The following TDRD9 variants were observed in gnomAD, a reference collection of about 807,000 sequenced individuals.
TDRD9 encodes the protein ATP-dependent RNA helicase TDRD9.
A neutral mutation model predicts 172.6 loss-of-function variants in TDRD9; 124 were observed. The observed-to-expected ratio is 0.72, with a 90% CI of 0.62 to 0.83. TDRD9 has a LOEUF of 0.83. Ranked by LOEUF, TDRD9 falls within the 40% of genes least tolerant of loss-of-function variation. The probability of loss-of-function intolerance (pLI) is 0.00; values close to 1 mark genes in which losing one functional copy is unlikely to be tolerated. For missense variants in TDRD9, 1,479 were observed against 1,714.1 expected (o/e 0.86, Z 2.42); for synonymous variants, 619 against 617.1 (o/e 1.00, Z -0.05).
chr14:103,939,743 G>GTTTTTTTTTTTTGT (rs2031080786), intron 1 of TDRD9: 1 of 17,448 alleles, frequency 5.7e-5, no homozygotes, highest in Non-Finnish European at 1.2e-4. Context: ...GAAAAAAAGT[G>GTTTTTTTTTTTTGT]TTTTTTTTTT....
intron 8 of TDRD9, among the ~76,000 whole-genome samples, chr14:103,990,111 C>G (rs1308223081): frequency 6.6e-6 from 1 of 152,238 alleles, no homozygotes; most frequent in Non-Finnish European, 1.5e-5. Context: ...GAAGAGCTCC[C>G]TTCCCCACTC....
chr14:104,028,799 T>C (rs962618301), intron 28 of TDRD9, among the ~76,000 whole-genome samples: 9 of 152,208 alleles, frequency 5.9e-5, no homozygotes, highest in Non-Finnish European at 1.5e-5. Flanking sequence ...TCTAGTAGTT[T>C]TTTATAGTTT....
intron 28 of TDRD9, 71 bp downstream of exon 28, chr14:104,027,010 T>A: frequency 6.5e-7 from 1 of 1,527,864 alleles, no homozygotes; most frequent in Non-Finnish European, 8.9e-7. Context: ...CCTTCCTCTG[T>A]GGACCCTGAG....
chr14:104,018,007 G>A, intron 22 of TDRD9, 85 bp from the exon 23 acceptor site: 1 of 763,986 alleles, frequency 1.3e-6, no homozygotes. Flanking sequence ...AACTAAAACA[G>A]TGTGCAGCAG....
chr14:104,012,534 A>G (rs549141770), intron 20 of TDRD9, among the ~76,000 whole-genome samples: 39 of 150,108 alleles, frequency 2.6e-4, no homozygotes, highest in African/African-American at 9.5e-4. Context: ...TTTTCCATTA[A>G]TTTAGTTCTC....
At chr14:103,933,252 T>C (rs1455308482) in intron 1 of TDRD9, among the ~76,000 whole-genome samples, 1 of 152,238 alleles carries the variant, frequency 6.6e-6, no homozygotes, top group Non-Finnish European at 1.5e-5. Context: ...CATTCTCCAG[T>C]GTGTAGCACC....
chr14:104,020,532 A>G (rs972903126), intron 23 of TDRD9, among the ~76,000 whole-genome samples: 3 of 152,140 alleles, frequency 2.0e-5, no homozygotes, highest in African/African-American at 7.2e-5. Context: ...AGAGACTCTA[A>G]AGAAGGGAGA....
chr14:103,983,935 G>A (rs1287174542), intron 7 of TDRD9, among the ~76,000 whole-genome samples: 2 of 152,310 alleles, frequency 1.3e-5, no homozygotes, highest in South Asian at 2.1e-4. Flanking sequence ...ATGGAGATGA[G>A]GAACTTGTTG....
chr14:104,043,225 T>C (rs140720756), intron 34 of TDRD9, among the ~76,000 whole-genome samples: 110 of 151,720 alleles, frequency 7.3e-4, no homozygotes, highest in African/African-American at 2.6e-3. Context: ...GGTCTTGCTA[T>C]GTTGCCCAAG....
chr14:104,033,961 T>C lies in TDRD9; in HGVS notation c.3511T>C (p.Cys1171Arg), dbSNP rs569737720. The C allele has an allele frequency of 1.3e-6, 2 of 1,544,712 alleles. No individual in the cohort carries two copies. Among genetic ancestry groups the C allele is most frequent in the African/African-American group, 2.7e-5 (2 of 73,020 alleles). The change falls in exon 31 of 36, where the codon TGT becomes CGT. Residue 1171 changes from cysteine to arginine, a missense_variant and splice_region_variant. This residue lies in a region of TDRD9 where 1,413 missense variants were observed against 1,649.1 expected (regional missense o/e 0.86). Transcript: ENST00000409874. ...TCTCCTGGTGCTCCTGCCTTTTAGGTGTGTTTGGATTGAGAAGGAGAGCAT... is the reference window on the plus strand; with the variant it reads ...TCTCCTGGTGCTCCTGCCTTTTAGGCGTGTTTGGATTGAGAAGGAGAGCAT... ...HSLTRISKFR[C>R]VWIEKESINS...
intron 6 of TDRD9, among the ~76,000 whole-genome samples, chr14:103,973,474 T>G (rs1191982156): frequency 1.3e-5 from 2 of 152,232 alleles, no homozygotes; most frequent in African/African-American, 4.8e-5. Flanking sequence ...CACCTCTTGC[T>G]GACTGGACTC....
chr14:104,023,127 A>G (rs2035013308), intron 24 of TDRD9, among the ~76,000 whole-genome samples: 1 of 127,188 alleles, frequency 7.9e-6, no homozygotes, highest in Non-Finnish European at 1.6e-5. Context: ...GGTTGCAGTG[A>G]TGAGCTGAGA....
rs750299768 is a variant in TDRD9, at chr14:104,008,431, C to T, written c.2071C>T (p.Arg691Trp). The T allele has an allele frequency of 7.7e-6, 12 of 1,557,774 alleles. No homozygotes were observed. The highest frequency in any genetic ancestry group is 4.5e-5 in the East Asian group (2 of 44,362). The part of the protein sequence containing the change: ...RYPKDELNWG[R>W]LNYIQIKRIR... ...TTTAAAGGATGAACTTAATTGGGGACGGTTAAATTACATTCAAATCAAGAG... is the reference window on the plus strand; with the variant it reads ...TTTAAAGGATGAACTTAATTGGGGATGGTTAAATTACATTCAAATCAAGAG... The change falls in exon 20 of 36, where the codon CGG becomes TGG. Residue 691 changes from arginine to tryptophan, a missense_variant. Arg to Trp is a moderately radical substitution (Grantham distance 101). Transcript: ENST00000409874.
intron 32 of TDRD9, among the ~76,000 whole-genome samples, chr14:104,039,081 A>G (rs1023899465): frequency 9.2e-5 from 14 of 152,290 alleles, no homozygotes; most frequent in African/African-American, 3.4e-4. Context: ...GCTTCAGGAA[A>G]CTTACAGTCA....
intron 13 of TDRD9, among the ~76,000 whole-genome samples, chr14:104,001,078 G>T (rs754973706): frequency 1.3e-5 from 2 of 152,132 alleles, no homozygotes; most frequent in Non-Finnish European, 2.9e-5. Flanking sequence ...TATACACCTT[G>T]TTTCACAATT....
chr14:103,981,881 G>A (rs1158824309), intron 7 of TDRD9, among the ~76,000 whole-genome samples: 2 of 152,174 alleles, frequency 1.3e-5, no homozygotes, highest in Non-Finnish European at 2.9e-5. Context: ...TTAATTTTGA[G>A]CTTATAAAAA....
chr14:103,983,188 C>T (rs1251135539), intron 7 of TDRD9, among the ~76,000 whole-genome samples: 4 of 147,148 alleles, frequency 2.7e-5, no homozygotes, highest in East Asian at 2.0e-4. Flanking sequence ...CTCAGTCTCC[C>T]GAGTAGCTGG....
At chr14:104,011,052 C>T (rs776325178) in intron 20 of TDRD9, among the ~76,000 whole-genome samples, 7 of 152,202 alleles carry the variant, frequency 4.6e-5, no homozygotes, top group Non-Finnish European at 8.8e-5. Context: ...TGCCCTACAA[C>T]AGCTATGACG....
In TDRD9 at chr14:104,041,884, A is replaced by G. The variant is rs1344002920; in HGVS notation, c.3856-185A>G. 2.0e-5 allele frequency among the ~76,000 whole-genome samples: 3 copies of G among 152,368 alleles called. No homozygotes were observed. In the East Asian group the frequency reaches 5.8e-4, roughly 29 times the overall value. On this transcript the variant is annotated intron_variant, in intron 33 of 35. Transcript: ENST00000409874. ...GCATCCACATAGAGCTTGTATGTGA[A>G]TATCAATTGCAGCTTGAGTCATAAT...
Sources: gnomAD v4.1 joint callset for allele counts (sites outside exome capture counted in the v4.1 genomes callset) on GRCh38, gnomAD v4.1.1 for gene constraint, gnomAD v4.1.1 regional missense constraint, MANE v1.5 for transcripts, NCBI Gene and HGNC (gene_info 2026-07-23, HGNC 2026-07-21) for gene names.